The following C3orf49 variants were observed in gnomAD, a reference collection of about 807,000 sequenced individuals.
The protein encoded by C3orf49 is chromosome 3 open reading frame 49.
A neutral mutation model predicts 13.3 loss-of-function variants in C3orf49; 27 were observed. That is an observed-to-expected ratio of 2.02 (90% CI 1.49 to 2.79). C3orf49 has a LOEUF of 2.79. Ranked by LOEUF, C3orf49 falls within the 30% of genes most tolerant of loss-of-function variation. C3orf49 has a pLI of 0.00. For missense variants in C3orf49, 242 were observed against 134.2 expected, an observed-to-expected ratio of 1.80 and a Z score of -3.97; for synonymous variants, 87 against 47.6, an observed-to-expected ratio of 1.83 and a Z score of -3.40.
chr3:63,785,352 G>T, the C3orf49 span, among the ~76,000 whole-genome samples: 1 of 151,200 alleles, frequency 6.6e-6, no homozygotes, highest in Non-Finnish European at 1.5e-5. Flanking sequence ...GATTATAGGC[G>T]TGAGCCACCG....
At chr3:63,818,232 C>A (rs1387566185), upstream of C3orf49, among the ~76,000 whole-genome samples, 1 of 151,828 alleles carries the variant, frequency 6.6e-6, no homozygotes, top group Non-Finnish European at 1.5e-5. Flanking sequence ...ATGAGTTGTC[C>A]CACTTTAGGG....
At chr3:63,825,900 A>G (rs1701459948) in intron 2 of C3orf49, among the ~76,000 whole-genome samples, 2 of 152,226 alleles carry the variant, frequency 1.3e-5, no homozygotes, top group South Asian at 4.1e-4. Context: ...GAGGGGTCTC[A>G]GGAAAGGCTT....
At chr3:63,830,715 A>C (rs1701521545) in intron 3 of C3orf49, among the ~76,000 whole-genome samples, 1 of 152,188 alleles carries the variant, frequency 6.6e-6, no homozygotes, top group South Asian at 2.1e-4. Context: ...TGCAGAAACG[A>C]GACCAAATTA....
the C3orf49 span, among the ~76,000 whole-genome samples, chr3:63,807,033 G>A: frequency 1.3e-5 from 2 of 151,764 alleles, no homozygotes; most frequent in Non-Finnish European, 2.9e-5. Context: ...CTCACTGCAA[G>A]CTCCATCTCC....
intron 3 of C3orf49, among the ~76,000 whole-genome samples, chr3:63,828,755 G>A (rs1701496951): frequency 1.3e-5 from 2 of 152,036 alleles, no homozygotes; most frequent in African/African-American, 2.4e-5. Context: ...CCTTACAATA[G>A]CCCTATAACG....
At chr3:63,784,126 G>A in the C3orf49 span, among the ~76,000 whole-genome samples, 1 of 152,174 alleles carries the variant, frequency 6.6e-6, no homozygotes. Context: ...CAAAGCTTTA[G>A]CCAAATACTT....
At chr3:63,817,258 TCA>T (rs1701334759), upstream of C3orf49, among the ~76,000 whole-genome samples, 1 of 152,128 alleles carries the variant, frequency 6.6e-6, no homozygotes, top group Admixed American at 6.5e-5. Flanking sequence ...CTCCTCATCC[TCA>T]GTCACTCTAT....
the C3orf49 span, among the ~76,000 whole-genome samples, chr3:63,797,690 T>C: frequency 6.6e-6 from 1 of 152,154 alleles, no homozygotes; most frequent in Non-Finnish European, 1.5e-5. Flanking sequence ...ACTCCAGATT[T>C]TGGAGTGGCA....
chr3:63,790,379 A>G, the C3orf49 span, among the ~76,000 whole-genome samples: 1 of 152,162 alleles, frequency 6.6e-6, no homozygotes, highest in African/African-American at 2.4e-5. Flanking sequence ...GACCAAAGTA[A>G]TGTTTATGTA....
intron 5 of C3orf49, chr3:63,839,845 T>G: frequency 2.4e-6 from 3 of 1,227,538 alleles, no homozygotes; most frequent in Non-Finnish European, 3.5e-6. Flanking sequence ...AGTATCACTG[T>G]TCATTTGTTT....
chr3:63,836,460 T>A, intron 5 of C3orf49: 1 of 1,057,348 alleles, frequency 9.5e-7, no homozygotes, highest in Non-Finnish European at 1.4e-6. Flanking sequence ...ACTTTCCTAG[T>A]ACATCAAGAA....
chr3:63,803,182 T>C, the C3orf49 span, among the ~76,000 whole-genome samples: 3 of 152,190 alleles, frequency 2.0e-5, no homozygotes, highest in African/African-American at 7.2e-5. Flanking sequence ...GCACAACTCC[T>C]TAGTGGTTTC....
chr3:63,839,756 G>A (rs763395731), intron 5 of C3orf49: 7 of 1,613,174 alleles, frequency 4.3e-6, no homozygotes, highest in Admixed American at 3.3e-5. Context: ...ATGAGGAGAC[G>A]CTTCCGTATA....
intron 6 of C3orf49, among the ~76,000 whole-genome samples, chr3:63,847,929 G>A (rs950812573): frequency 6.6e-6 from 1 of 152,114 alleles, no homozygotes; most frequent in Non-Finnish European, 1.5e-5. Flanking sequence ...AGGCCATGAT[G>A]GGAATGGGGG....
intron 6 of C3orf49, among the ~76,000 whole-genome samples, chr3:63,847,481 T>C (rs1209042946): frequency 6.6e-6 from 1 of 152,224 alleles, no homozygotes; most frequent in Non-Finnish European, 1.5e-5. Flanking sequence ...CTCACGCCTG[T>C]AATCCCAGCA....
chr3:63,800,763 C>T, the C3orf49 span, among the ~76,000 whole-genome samples: 6 of 152,192 alleles, frequency 3.9e-5, no homozygotes, highest in East Asian at 1.2e-3. Context: ...GTTTTTAAAA[C>T]AGTGAGGAAT....
At chr3:63,839,055 T>C (rs1335591060) in intron 5 of C3orf49, among the ~76,000 whole-genome samples, 1 of 152,134 alleles carries the variant, frequency 6.6e-6, no homozygotes, top group African/African-American at 2.4e-5. Flanking sequence ...TCAGTCATGG[T>C]GTTGCATGCC....
At chr3:63,782,516 A>G in the C3orf49 span, 2 of 152,214 alleles carry the variant, frequency 1.3e-5, no homozygotes, top group Non-Finnish European at 2.9e-5. Context: ...TCCAGAGTCA[A>G]CACTTTAATA....
At chr3:63,803,758 A>G in the C3orf49 span, among the ~76,000 whole-genome samples, 1 of 152,146 alleles carries the variant, frequency 6.6e-6, no homozygotes, top group Non-Finnish European at 1.5e-5. Flanking sequence ...GGTTTCATGG[A>G]AGACAATTTC....
Sources: gnomAD v4.1 joint callset for allele counts (sites outside exome capture counted in the v4.1 genomes callset) on GRCh38, gnomAD v4.1.1 for gene constraint, MANE v1.5 for transcripts, NCBI Gene and HGNC (gene_info 2026-07-23, HGNC 2026-07-21) for gene names.